Variants in GRID1 observed in about 807,000 individuals in gnomAD.
The protein encoded by GRID1 is glutamate receptor ionotropic, delta-1.
A neutral mutation model predicts 98.0 loss-of-function variants in GRID1; 28 were observed. That is an observed-to-expected ratio of 0.29 (90% CI 0.21 to 0.39). The LOEUF (loss-of-function observed/expected upper bound fraction) is 0.39, where lower values mean the gene tolerates loss of function less well. GRID1 is among the 10% of genes least tolerant of loss of function. The probability of loss-of-function intolerance (pLI) is 1.00; values close to 1 mark genes in which losing one functional copy is unlikely to be tolerated. For missense variants in GRID1, 1,111 were observed against 1,340.5 expected, an observed-to-expected ratio of 0.83 and a Z score of 2.67; for synonymous variants, 553 against 538.5, an observed-to-expected ratio of 1.03 and a Z score of -0.37.
At chr10:86,040,897 A>G (rs529511102) in intron 4 of GRID1, among the ~76,000 whole-genome samples, 1 of 152,132 alleles carries the variant, frequency 6.6e-6, no homozygotes, top group African/African-American at 2.4e-5. Flanking sequence ...TTTTTTTTAA[A>G]GTTGGTCTCT....
At chr10:85,752,536 T>TGA (rs1220646603) in intron 8 of GRID1, among the ~76,000 whole-genome samples, 2 of 152,218 alleles carry the variant, frequency 1.3e-5, no homozygotes, top group Non-Finnish European at 2.9e-5. Flanking sequence ...TTGCCTGACT[T>TGA]GAGAGATCAT....
intron 3 of GRID1, among the ~76,000 whole-genome samples, chr10:86,155,813 G>A (rs1008889009): frequency 1.3e-5 from 2 of 152,188 alleles, no homozygotes; most frequent in Non-Finnish European, 2.9e-5. Flanking sequence ...CTCTAGCCGG[G>A]GCTGGGCTGT....
chr10:86,083,240 C>T (rs1389062690), intron 4 of GRID1, among the ~76,000 whole-genome samples: 1 of 152,164 alleles, frequency 6.6e-6, no homozygotes. Context: ...TTGGGAGATG[C>T]CCTTTCTTAG....
chr10:85,946,383 C>G (rs1271579585), intron 4 of GRID1, among the ~76,000 whole-genome samples: 1 of 152,186 alleles, frequency 6.6e-6, no homozygotes, highest in Non-Finnish European at 1.5e-5. Context: ...CCATTCGACC[C>G]AAGTGTCAAC....
chr10:85,869,262 G>A lies in GRID1; in HGVS notation c.781-82C>T, dbSNP rs535996135. 1.1e-5 allele frequency: 14 copies of A among 1,270,520 alleles called. No individual in the cohort carries two copies. The South Asian group carries it at 1.2e-4, about 11-fold the overall frequency. The allele number at this position is 1,270,520 out of a possible 1,614,324, so 78.7% of individuals were successfully genotyped here. A position where few individuals can be genotyped will look rare whatever the true frequency, so the allele number is the denominator to read the frequency against. On this transcript the variant is annotated intron_variant, in intron 5 of 15. Transcript: ENST00000327946. ...GACCTATCAGGAGGCATCTAGGCCA[G>A]CAGCCTGAAAAGCTGATGCCAAAGA...
chr10:85,735,868 G>A (rs1417077898), intron 8 of GRID1, among the ~76,000 whole-genome samples: 1 of 145,562 alleles, frequency 6.9e-6, no homozygotes, highest in South Asian at 2.2e-4. Context: ...AAGGAAGGAA[G>A]GAGAGAAGGA....
intron 8 of GRID1, among the ~76,000 whole-genome samples, chr10:85,824,315 G>T (rs934657649): frequency 6.6e-6 from 1 of 152,122 alleles, no homozygotes; most frequent in Non-Finnish European, 1.5e-5. Context: ...GGGTTCAAGT[G>T]ATTCTCTTGC....
At chr10:86,056,460 G>A (rs749286714) in intron 4 of GRID1, among the ~76,000 whole-genome samples, 28 of 152,130 alleles carry the variant, frequency 1.8e-4, no homozygotes, top group Admixed American at 1.2e-3. Flanking sequence ...TTTCCAACCC[G>A]TGTCCCAAGG....
intron 2 of GRID1, among the ~76,000 whole-genome samples, chr10:86,237,636 C>T (rs1356791218): frequency 1.3e-5 from 2 of 150,720 alleles, no homozygotes; most frequent in African/African-American, 4.9e-5. Context: ...GGAGGCGGAG[C>T]TTGCAGTGAG....
chr10:86,133,986 G>C (rs756649532), intron 4 of GRID1, among the ~76,000 whole-genome samples: 5 of 152,234 alleles, frequency 3.3e-5, no homozygotes, highest in Non-Finnish European at 7.3e-5. Context: ...AGAAGGGAGA[G>C]GAGGAAATAC....
intron 4 of GRID1, among the ~76,000 whole-genome samples, chr10:85,956,740 G>T (rs947873164): frequency 6.6e-6 from 1 of 152,180 alleles, no homozygotes; most frequent in Non-Finnish European, 1.5e-5. Context: ...GAACAGAGTA[G>T]GCATGGGAAG....
chr10:86,362,824 C>T (rs1249626870), intron 2 of GRID1, among the ~76,000 whole-genome samples: 1 of 152,244 alleles, frequency 6.6e-6, no homozygotes, highest in Non-Finnish European at 1.5e-5. Flanking sequence ...CTCGGCTCAA[C>T]GGGCTTGAGG....
chr10:85,928,611 C>T (rs1307345687), intron 4 of GRID1, among the ~76,000 whole-genome samples: 2 of 152,244 alleles, frequency 1.3e-5, no homozygotes, highest in African/African-American at 4.8e-5. Context: ...GGAGCCCTCA[C>T]ATTCCTGGGG....
At chr10:86,168,564 G>A (rs894945002) in intron 3 of GRID1, among the ~76,000 whole-genome samples, 3 of 152,198 alleles carry the variant, frequency 2.0e-5, no homozygotes, top group African/African-American at 7.2e-5. Context: ...TCTGCCAGGT[G>A]TGGGAAGGAT....
At chr10:86,265,857 A>G (rs1185338599) in intron 2 of GRID1, among the ~76,000 whole-genome samples, 1 of 152,020 alleles carries the variant, frequency 6.6e-6, no homozygotes, top group Non-Finnish European at 1.5e-5. Flanking sequence ...CAACAACAGC[A>G]AGTAATGACC....
At chr10:85,929,291 T>C (rs539597162) in intron 4 of GRID1, among the ~76,000 whole-genome samples, 268 of 151,946 alleles carry the variant, frequency 1.8e-3, no homozygotes, top group Middle Eastern at 0.017. Flanking sequence ...GACTCAAAGG[T>C]TTAACTCACT....
chr10:85,830,328 T>G (rs1201928176), intron 8 of GRID1, among the ~76,000 whole-genome samples: 1 of 152,068 alleles, frequency 6.6e-6, no homozygotes, highest in African/African-American at 2.4e-5. Context: ...ATTAAAGACT[T>G]AAATGTAAAA....
intron 4 of GRID1, among the ~76,000 whole-genome samples, chr10:85,994,011 A>C (rs1044479451): frequency 6.6e-6 from 1 of 152,192 alleles, no homozygotes. Context: ...GGAGATGGAC[A>C]TTGCAACTTT....
intron 3 of GRID1, among the ~76,000 whole-genome samples, chr10:86,162,150 G>T (rs1018681607): frequency 1.3e-5 from 2 of 152,238 alleles, no homozygotes; most frequent in African/African-American, 4.8e-5. Flanking sequence ...AATGTGTCCT[G>T]GGGTTAGTAA....
Sources: allele counts gnomAD v4.1 joint callset (sites outside exome capture counted in the v4.1 genomes callset), GRCh38; gene constraint gnomAD v4.1.1; transcripts MANE v1.5; gene names NCBI Gene and HGNC (gene_info 2026-07-23, HGNC 2026-07-21).